LZTS1: variants seen among roughly 807,000 people sequenced by gnomAD.
LZTS1 encodes the protein leucine zipper tumor suppressor 1.
A neutral mutation model predicts 45.8 loss-of-function variants in LZTS1; 31 were observed. The ratio of observed to expected loss-of-function variants is 0.68; its 90% CI spans 0.51 to 0.91. The LOEUF (loss-of-function observed/expected upper bound fraction) is 0.91, where lower values mean the gene tolerates loss of function less well. LZTS1 is among the 40% of genes least tolerant of loss of function. The pLI, the probability that LZTS1 is intolerant of heterozygous loss-of-function variation, is 0.00. For missense variants in LZTS1, 821 were observed against 788.9 expected (o/e 1.04, Z -0.49); for synonymous variants, 359 against 357.3 (o/e 1.00, Z -0.05).
intron 1 of LZTS1, among the ~76,000 whole-genome samples, chr8:20,275,230 C>A (rs966556111): frequency 6.6e-6 from 1 of 151,888 alleles, no homozygotes; most frequent in Non-Finnish European, 1.5e-5. Context: ...GGTGAAACCC[C>A]ATCTCTACTA....
At chr8:20,288,660 C>T (rs181393965) in intron 1 of LZTS1, among the ~76,000 whole-genome samples, 132 of 152,320 alleles carry the variant, frequency 8.7e-4, no homozygotes, top group African/African-American at 3.1e-3. Context: ...GCAATACACA[C>T]GCACAGGCAT....
In LZTS1 at chr8:20,250,088, C is replaced by A; in HGVS notation, c.1425G>T (p.Leu475=). The change falls in exon 4 of 4, where the codon CTG becomes CTT. Residue 475 remains leucine (L), a synonymous_variant. Coordinates refer to ENST00000381569, the MANE Select transcript of LZTS1 (RefSeq NM_021020.5). ...GGGCGGCCTGGGCCCGCAGCTCCTG[C>A]AGCTCCTGCTCCAGCAGGTTCACCT... ...REKVNLLEQE[L]QELRAQAALA... 1 of 1,607,178 alleles carries A rather than the reference C, an allele frequency of 6.2e-7. No homozygotes were observed. The highest frequency in any genetic ancestry group is 8.5e-7 in the Non-Finnish European group (1 of 1,179,342).
intron 1 of LZTS1, among the ~76,000 whole-genome samples, chr8:20,293,061 C>T (rs151154035): frequency 3.9e-5 from 6 of 152,120 alleles, no homozygotes; most frequent in African/African-American, 7.2e-5. Context: ...AGATATTCCC[C>T]GGCTACAAGA....
At chr8:20,296,466 C>A (rs547414690) in intron 1 of LZTS1, among the ~76,000 whole-genome samples, 2 of 152,338 alleles carry the variant, frequency 1.3e-5, no homozygotes, top group East Asian at 3.9e-4. Context: ...CTAAAGACTG[C>A]CCCAGGCATG....
At chr8:20,268,674 G>T in intron 1 of LZTS1, among the ~76,000 whole-genome samples, 1 of 151,792 alleles carries the variant, frequency 6.6e-6, no homozygotes, top group East Asian at 1.9e-4. Flanking sequence ...GTGAATGCAT[G>T]AATGAAAAAG....
At chr8:20,262,883 A>C (rs974850081) in intron 1 of LZTS1, among the ~76,000 whole-genome samples, 2 of 152,196 alleles carry the variant, frequency 1.3e-5, no homozygotes, top group Non-Finnish European at 2.9e-5. Context: ...ATATGAGTTT[A>C]AAACCCCAGT....
At chr8:20,282,511 G>C (rs1800713459) in intron 1 of LZTS1, among the ~76,000 whole-genome samples, 1 of 152,334 alleles carries the variant, frequency 6.6e-6, no homozygotes, top group African/African-American at 2.4e-5. Flanking sequence ...CTGTAACGTA[G>C]CTCCTTCTTG....
chr8:20,294,776 C>T (rs754943276), intron 1 of LZTS1, among the ~76,000 whole-genome samples: 2 of 143,950 alleles, frequency 1.4e-5, no homozygotes, highest in African/African-American at 2.6e-5. Flanking sequence ...GTAGATTGTC[C>T]TTCTGGACCT....
chr8:20,274,690 T>A (rs11985274), intron 1 of LZTS1, among the ~76,000 whole-genome samples: 27,748 of 152,164 alleles, frequency 0.18, 2,721 homozygotes, highest in Middle Eastern at 0.31. Flanking sequence ...AGCTCCACTT[T>A]GTGAAAATAA....
intron 1 of LZTS1, among the ~76,000 whole-genome samples, chr8:20,284,832 C>A (rs1290582066): frequency 6.6e-6 from 1 of 152,224 alleles, no homozygotes; most frequent in African/African-American, 2.4e-5. Flanking sequence ...GGTCACTTAT[C>A]TGCCTGATAA....
chr8:20,256,082 A>AAAAAG (rs1554551354), intron 1 of LZTS1, among the ~76,000 whole-genome samples: 17 of 147,480 alleles, frequency 1.2e-4, no homozygotes, highest in Non-Finnish European at 2.4e-4. Context: ...AAAAAAAAAA[A>AAAAAG]AAGAAGAAGA....
At chr8:20,271,711 G>C (rs946148371) in intron 1 of LZTS1, among the ~76,000 whole-genome samples, 1 of 152,216 alleles carries the variant, frequency 6.6e-6, no homozygotes, top group Non-Finnish European at 1.5e-5. Context: ...GTGGAAAAGC[G>C]CCTCTCCCTC....
At position 20,247,200 on chromosome 8, in the gene LZTS1, G is replaced by A. The variant is rs76624050; in HGVS notation, c.*2522C>T. 4,067 of 152,556 alleles carry A rather than the reference G, an allele frequency of 0.027. 159 individuals carry two copies. The highest frequency in any genetic ancestry group is 0.093 in the African/African-American group (3,883 of 41,562). 9.5% of individuals were successfully genotyped at this position (152,556 alleles called of 1,614,324 possible). A position where few individuals can be genotyped will look rare whatever the true frequency, so the allele number is the denominator to read the frequency against. ...ACAGGGCCATGGAGATATGGAGAAG[G>A]CTGCACTCCTCTGTGTATGGAAGGT... is the stretch of plus-strand genomic sequence containing the variant. On this transcript the variant is annotated 3_prime_UTR_variant, in exon 4 of 4. Transcript: ENST00000381569.
chr8:20,265,363 CT>C (rs1357485698), intron 1 of LZTS1, among the ~76,000 whole-genome samples: 1 of 152,092 alleles, frequency 6.6e-6, no homozygotes, highest in African/African-American at 2.4e-5. Context: ...AGCAAGGCCT[CT>C]CATAAAGAAC....
chr8:20,274,847 T>C (rs1210674232), intron 1 of LZTS1, among the ~76,000 whole-genome samples: 1 of 152,130 alleles, frequency 6.6e-6, no homozygotes, highest in Non-Finnish European at 1.5e-5. Flanking sequence ...TTAGGATTTG[T>C]ACAAAAGATT....
At chr8:20,281,202 A>T (rs1233945282) in intron 1 of LZTS1, among the ~76,000 whole-genome samples, 1 of 152,096 alleles carries the variant, frequency 6.6e-6, no homozygotes, top group East Asian at 1.9e-4. Context: ...TTGAAATTTG[A>T]TCTCTAAGGG....
At chr8:20,279,486 G>A (rs931393978) in intron 1 of LZTS1, among the ~76,000 whole-genome samples, 5 of 152,086 alleles carry the variant, frequency 3.3e-5, no homozygotes, top group Admixed American at 1.3e-4. Flanking sequence ...AATCGCCTGA[G>A]GCCAGGGGTT....
intron 1 of LZTS1, among the ~76,000 whole-genome samples, chr8:20,288,408 C>T (rs1469153632): frequency 6.6e-6 from 1 of 152,136 alleles, no homozygotes; most frequent in Non-Finnish European, 1.5e-5. Context: ...ACAGCAGTGC[C>T]CAGTCCAGGG....
intron 1 of LZTS1, among the ~76,000 whole-genome samples, chr8:20,267,340 A>G (rs1031294886): frequency 6.6e-6 from 1 of 151,948 alleles, no homozygotes; most frequent in Non-Finnish European, 1.5e-5. Flanking sequence ...GAGTTGGGGT[A>G]GGAGGGCGGT....
Sources: allele counts gnomAD v4.1 joint callset (sites outside exome capture counted in the v4.1 genomes callset), GRCh38; gene constraint gnomAD v4.1.1; transcripts MANE v1.5; gene names NCBI Gene and HGNC (gene_info 2026-07-23, HGNC 2026-07-21).